The following TRABD2B variants were observed in gnomAD, a reference collection of about 807,000 sequenced individuals.
The protein encoded by TRABD2B is metalloprotease TIKI2.
In TRABD2B, 14 loss-of-function variants were observed where a neutral mutation model predicts 40.1. The observed-to-expected ratio is 0.35, with a 90% confidence interval of 0.23 to 0.55. The LOEUF is 0.55. Ranked by LOEUF, TRABD2B falls within the 20% of genes least tolerant of loss-of-function variation. TRABD2B has a pLI of 0.90. For missense variants in TRABD2B, 541 were observed against 648.6 expected, an observed-to-expected ratio of 0.83 and a Z score of 1.80; for synonymous variants, 263 against 277.0, an observed-to-expected ratio of 0.95 and a Z score of 0.50.
Position 47,898,274 on chromosome 1 carries a change from C to T in TRABD2B, c.666+95760G>A, listed in dbSNP as rs114057423. Among the ~76,000 whole-genome samples the T allele has an allele frequency of 3.8e-3, 584 of 152,284 alleles. 5 individuals carry two copies. Among genetic ancestry groups the T allele is most frequent in the African/African-American group, 0.014 (564 of 41,554 alleles). ...AACCTCCCCCATTCCCAGAGGCCTC[C>T]GCCCCAATCTTTGAGCCCGGGCTGC... On this transcript the variant is annotated intron_variant, in intron 2 of 6. Transcript: ENST00000606738.
Position 47,794,683 on chromosome 1 carries a change from C to T in TRABD2B, c.891G>A (p.Gln297=). Reference sequence around the variant, plus strand: ...GCTCATTCCTCTTGTAGATGAGCTCCTGGCGGAAGTAGCTGTCAATCTCCT... The same window carrying T: ...GCTCATTCCTCTTGTAGATGAGCTCTTGGCGGAAGTAGCTGTCAATCTCCT... ...TAQEIDSYFR[Q]ELIYKRNERM... The change falls in exon 4 of 7, where the codon CAG becomes CAA. Residue 297 remains glutamine, a synonymous_variant. Transcript: ENST00000606738. 6.5e-7 allele frequency: 1 copy of T among 1,536,602 alleles called. No individual in the cohort carries two copies. Among genetic ancestry groups the T allele is most frequent in the Non-Finnish European group, 8.7e-7 (1 of 1,146,914 alleles).
At chr1:47,914,427 G>A (rs536870926) in intron 2 of TRABD2B, among the ~76,000 whole-genome samples, 2 of 152,336 alleles carry the variant, frequency 1.3e-5, no homozygotes, top group African/African-American at 4.8e-5. Context: ...GCCCGCTGTG[G>A]GAAGAGCGGG....
chr1:47,843,586 G>C (rs1225530487), intron 2 of TRABD2B, among the ~76,000 whole-genome samples: 1 of 152,168 alleles, frequency 6.6e-6, no homozygotes, highest in Non-Finnish European at 1.5e-5. Context: ...TATACATTTG[G>C]GAGATGACTT....
At chr1:47,877,142 T>C (rs1306773368) in intron 2 of TRABD2B, among the ~76,000 whole-genome samples, 1 of 151,348 alleles carries the variant, frequency 6.6e-6, no homozygotes, top group Non-Finnish European at 1.5e-5. Flanking sequence ...TCTTTGAGTT[T>C]GTGAAATACA....
chr1:47,863,372 TTATATA>T lies in TRABD2B; in HGVS notation c.667-61759_667-61754del, dbSNP rs201881656. Among the ~76,000 whole-genome samples, 63 of 66,496 alleles carry T rather than the reference TTATATA, an allele frequency of 9.5e-4. 5 individuals are homozygous for T. Among genetic ancestry groups the T allele is most frequent in the East Asian group, 1.3e-3 (2 of 1,550 alleles). 43.6% of individuals were successfully genotyped at this position (66,496 alleles called of 152,430 possible). On this transcript the variant is annotated intron_variant, in intron 2 of 6. Coordinates refer to ENST00000606738, the MANE Select transcript of TRABD2B (RefSeq NM_001194986.2). The stretch of plus-strand genomic sequence containing the variant: ...ATAATTGGATATATCCTATATAATT[TTATATA>T]TATATATATATATATAATCTCTTAA...
chr1:47,884,353 A>G (rs1302774578), intron 2 of TRABD2B, among the ~76,000 whole-genome samples: 1 of 152,194 alleles, frequency 6.6e-6, no homozygotes, highest in East Asian at 1.9e-4. Context: ...TGAGGCCCCC[A>G]GCAGATCTGT....
intron 2 of TRABD2B, among the ~76,000 whole-genome samples, chr1:47,897,881 CAT>C (rs1378904526): frequency 1.3e-5 from 2 of 152,160 alleles, no homozygotes; most frequent in East Asian, 1.9e-4. Flanking sequence ...ATTAAACTAA[CAT>C]GTAAAAATCC....
intron 2 of TRABD2B, among the ~76,000 whole-genome samples, chr1:47,976,819 A>G (rs1450451768): frequency 6.6e-6 from 1 of 152,184 alleles, no homozygotes; most frequent in Non-Finnish European, 1.5e-5. Flanking sequence ...TGTTGGGAAG[A>G]TTGATCCATT....
At chr1:47,898,619 C>T (rs541971623) in intron 2 of TRABD2B, among the ~76,000 whole-genome samples, 3 of 152,248 alleles carry the variant, frequency 2.0e-5, no homozygotes, top group South Asian at 2.1e-4. Flanking sequence ...AAATCCAAAA[C>T]GCTCTGAAGA....
intron 2 of TRABD2B, among the ~76,000 whole-genome samples, chr1:47,909,269 C>T (rs1215551472): frequency 1.3e-5 from 2 of 152,166 alleles, no homozygotes; most frequent in Non-Finnish European, 2.9e-5. Flanking sequence ...GTTTACTTGG[C>T]TCATGGTTCT....
At chr1:47,983,168 A>G (rs1645865826) in intron 2 of TRABD2B, among the ~76,000 whole-genome samples, 2 of 152,330 alleles carry the variant, frequency 1.3e-5, no homozygotes, top group East Asian at 3.9e-4. Flanking sequence ...GAATGAGATC[A>G]TGTCTTTTGT....
intron 6 of TRABD2B, among the ~76,000 whole-genome samples, chr1:47,771,056 T>C (rs1263651098): frequency 6.6e-6 from 1 of 152,224 alleles, no homozygotes; most frequent in Non-Finnish European, 1.5e-5. Context: ...CTCATTCTCA[T>C]GGGGGCATCT....
At chr1:47,782,840 C>T (rs532717303) in intron 4 of TRABD2B, among the ~76,000 whole-genome samples, 9 of 152,174 alleles carry the variant, frequency 5.9e-5, no homozygotes, top group Non-Finnish European at 1.3e-4. Flanking sequence ...TGGAAAGTCT[C>T]CAAAGGGGCC....
intron 2 of TRABD2B, among the ~76,000 whole-genome samples, chr1:47,887,625 T>G (rs1644388140): frequency 6.6e-6 from 1 of 152,116 alleles, no homozygotes; most frequent in Non-Finnish European, 1.5e-5. Flanking sequence ...TGAACAGTCT[T>G]AACCTGAGCA....
Position 47,883,623 on chromosome 1 carries a change from T to A in TRABD2B, c.667-82004A>T, listed in dbSNP as rs1644334013. On this transcript the variant is annotated intron_variant, in intron 2 of 6. Coordinates refer to ENST00000606738, the MANE Select transcript of TRABD2B (RefSeq NM_001194986.2). The stretch of plus-strand genomic sequence containing the variant: ...TGTGTCACAAGTCAGGACATCTGGA[T>A]GGTTAGCCAGACCCAGAATAAATAA... 3.3e-5 allele frequency among the ~76,000 whole-genome samples: 5 copies of A among 152,330 alleles called. No homozygotes were observed. In the South Asian group the frequency reaches 1.0e-3, roughly 32 times the overall value.
At chr1:47,983,392 T>C (rs1480554153) in intron 2 of TRABD2B, among the ~76,000 whole-genome samples, 1 of 152,158 alleles carries the variant, frequency 6.6e-6, no homozygotes, top group Non-Finnish European at 1.5e-5. Context: ...CCGGGCTTAA[T>C]ACCTGGGTGA....
At chr1:47,766,820 G>A (rs1644310265) in intron 6 of TRABD2B, among the ~76,000 whole-genome samples, 1 of 152,202 alleles carries the variant, frequency 6.6e-6, no homozygotes. Flanking sequence ...TGTTTAGTGA[G>A]AGGTGCAGTC....
chr1:47,846,039 G>GT (rs1645464492), intron 2 of TRABD2B, among the ~76,000 whole-genome samples: 1 of 152,198 alleles, frequency 6.6e-6, no homozygotes, highest in Admixed American at 6.5e-5. Context: ...GGGGGTCTGC[G>GT]TGAGTAGCCA....
At chr1:47,867,373 C>T (rs1031136863) in intron 2 of TRABD2B, among the ~76,000 whole-genome samples, 1 of 152,134 alleles carries the variant, frequency 6.6e-6, no homozygotes, top group Admixed American at 6.5e-5. Context: ...GCTGCTTCCT[C>T]GTGGGTGACT....
Sources: gnomAD v4.1 joint callset for allele counts (sites outside exome capture counted in the v4.1 genomes callset) on GRCh38, gnomAD v4.1.1 for gene constraint, MANE v1.5 for transcripts, NCBI Gene and HGNC (gene_info 2026-07-23, HGNC 2026-07-21) for gene names.